The following TTC39B variants were observed in gnomAD, a reference collection of about 807,000 sequenced individuals.
TTC39B encodes the protein tetratricopeptide repeat domain 39B, also known as tetratricopeptide repeat protein 39B.
Under a neutral mutation model 96.6 loss-of-function variants are expected in TTC39B, and 92 were observed. That is an observed-to-expected ratio of 0.95 (90% CI 0.80 to 1.13). The LOEUF is 1.13. Ranked by LOEUF, TTC39B falls within the 50% of genes most tolerant of loss-of-function variation. TTC39B has a pLI of 0.00. For missense variants in TTC39B, 955 were observed against 809.3 expected (o/e 1.18, Z -2.18); for synonymous variants, 367 against 299.4 (o/e 1.23, Z -2.33).
chr9:15,209,644 A>G (rs997547357), intron 6 of TTC39B, among the ~76,000 whole-genome samples: 1 of 152,236 alleles, frequency 6.6e-6, no homozygotes, highest in Non-Finnish European at 1.5e-5. Context: ...ATGAATCCAT[A>G]TGTATAAGGA....
intron 8 of TTC39B, among the ~76,000 whole-genome samples, chr9:15,194,418 TTTAGTATA>T (rs1819033273): frequency 1.3e-5 from 2 of 152,162 alleles, no homozygotes; most frequent in South Asian, 4.1e-4. Flanking sequence ...TATAAAGGAA[TTTAGTATA>T]TTTTGAATTC....
At chr9:15,230,466 C>G (rs1053271746) in intron 2 of TTC39B, among the ~76,000 whole-genome samples, 2 of 152,164 alleles carry the variant, frequency 1.3e-5, no homozygotes, top group African/African-American at 4.8e-5. Flanking sequence ...CATTTCATAT[C>G]AATGGAATCA....
intron 1 of TTC39B, among the ~76,000 whole-genome samples, chr9:15,291,927 G>A (rs1032488342): frequency 6.6e-6 from 1 of 152,188 alleles, no homozygotes; most frequent in South Asian, 2.1e-4. Context: ...ACCTCTCTGT[G>A]AGCTTCAGTC....
chr9:15,170,487 G>A (rs1817612898), exon 20 of TTC39B: 1 of 151,964 alleles, frequency 6.6e-6, no homozygotes, highest in Non-Finnish European at 1.5e-5. Flanking sequence ...CTTTTGTATA[G>A]CCTTTTACAG....
At chr9:15,200,062 TAACAC>T in intron 7 of TTC39B, 137 bp from the exon 8 acceptor site, 1 of 507,050 alleles carries the variant, frequency 2.0e-6, no homozygotes, top group Non-Finnish European at 3.5e-6. Flanking sequence ...ATTTTGAAAT[TAACAC>T]ATACTCTTGC....
At chr9:15,243,729 G>T (rs1822150344) in intron 2 of TTC39B, among the ~76,000 whole-genome samples, 1 of 152,070 alleles carries the variant, frequency 6.6e-6, no homozygotes, top group African/African-American at 2.4e-5. Flanking sequence ...GGGCAACATA[G>T]CAATAGCCCA....
At chr9:15,267,389 T>G (rs1316636862) in intron 2 of TTC39B, among the ~76,000 whole-genome samples, 3 of 152,246 alleles carry the variant, frequency 2.0e-5, no homozygotes, top group Admixed American at 2.0e-4. Context: ...ATGTTAACCT[T>G]TAGAAATAAT....
chr9:15,237,827 A>C (rs1305370533), intron 2 of TTC39B, among the ~76,000 whole-genome samples: 1 of 152,202 alleles, frequency 6.6e-6, no homozygotes, highest in East Asian at 1.9e-4. Context: ...AGACAAGGAC[A>C]CAACAAAAAG....
intron 2 of TTC39B, among the ~76,000 whole-genome samples, chr9:15,237,283 C>G (rs1821827997): frequency 6.6e-6 from 1 of 152,108 alleles, no homozygotes; most frequent in Non-Finnish European, 1.5e-5. Context: ...CCACTGTATT[C>G]TAGCCTGAGC....
At chr9:15,220,709 A>C (rs1820795627) in intron 3 of TTC39B, among the ~76,000 whole-genome samples, 1 of 152,104 alleles carries the variant, frequency 6.6e-6, no homozygotes, top group Non-Finnish European at 1.5e-5. Context: ...GCTTCCAAAA[A>C]GTTGGAAAAA....
intron 2 of TTC39B, among the ~76,000 whole-genome samples, chr9:15,226,247 G>A (rs974206706): frequency 2.6e-5 from 4 of 152,078 alleles, no homozygotes; most frequent in African/African-American, 9.7e-5. Flanking sequence ...TAAGTTAACT[G>A]AAATTACTCC....
chr9:15,167,982 A>C (rs972831668), exon 20 of TTC39B: 3 of 152,318 alleles, frequency 2.0e-5, no homozygotes, highest in African/African-American at 7.2e-5. Context: ...AACACGATCA[A>C]ATGAAAGTTT....
Position 15,272,913 on chromosome 9 carries a change from C to T in TTC39B, c.241-4965G>A, listed in dbSNP as rs557920419. 2.9e-4 allele frequency among the ~76,000 whole-genome samples: 44 copies of T among 152,302 alleles called. 3 individuals carry two copies. The highest frequency in any genetic ancestry group is 9.6e-5 in the African/African-American group (4 of 41,578). On this transcript the variant is annotated intron_variant, in intron 1 of 19. Transcript: ENST00000512701. ...AGCTGACAGATATAAGGCCAGCACC[C>T]AGGGCCTGCTGCCTCCTGGGAGATC...
chr9:15,274,850 TA>T, intron 1 of TTC39B, among the ~76,000 whole-genome samples: 1 of 152,234 alleles, frequency 6.6e-6, no homozygotes, highest in Admixed American at 6.5e-5. Context: ...AAATAGGGAT[TA>T]AAAAAATAAT....
intron 7 of TTC39B, 42 bp downstream of exon 7, chr9:15,203,781 G>A (rs747596651): frequency 3.2e-6 from 5 of 1,561,238 alleles, no homozygotes; most frequent in Non-Finnish European, 4.4e-6. Context: ...AGCACTGGCA[G>A]TCTTCCCAGC....
chr9:15,218,496 A>AT (rs1564358811), intron 3 of TTC39B, among the ~76,000 whole-genome samples: 1 of 152,164 alleles, frequency 6.6e-6, no homozygotes, highest in Non-Finnish European at 1.5e-5. Context: ...CTCAGCCCAC[A>AT]TATTCATATT....
At chr9:15,264,860 T>A (rs1049264279) in intron 2 of TTC39B, among the ~76,000 whole-genome samples, 4 of 151,914 alleles carry the variant, frequency 2.6e-5, no homozygotes. Flanking sequence ...AGCATCTCCA[T>A]CACAGGAGTC....
intron 2 of TTC39B, among the ~76,000 whole-genome samples, chr9:15,233,700 T>G (rs543540959): frequency 1.5e-3 from 233 of 152,282 alleles, no homozygotes; most frequent in Non-Finnish European, 2.9e-3. Flanking sequence ...TGATCTCGGC[T>G]CGCTACAACA....
intron 2 of TTC39B, among the ~76,000 whole-genome samples, chr9:15,246,566 A>G (rs936539792): frequency 9.9e-5 from 15 of 152,200 alleles, no homozygotes; most frequent in African/African-American, 3.6e-4. Context: ...CTCTGTGACT[A>G]CTTGACCAAT....
Sources: allele counts gnomAD v4.1 joint callset (sites outside exome capture counted in the v4.1 genomes callset), GRCh38; gene constraint gnomAD v4.1.1; transcripts MANE v1.5; gene names NCBI Gene and HGNC (gene_info 2026-07-23, HGNC 2026-07-21).